ADAM19: variants seen among roughly 807,000 people sequenced by gnomAD.
ADAM19 encodes the protein ADAM metallopeptidase domain 19.
A neutral mutation model predicts 114.7 loss-of-function variants in ADAM19; 65 were observed. That is an observed-to-expected ratio of 0.57 (90% CI 0.46 to 0.70). The LOEUF (loss-of-function observed/expected upper bound fraction) is 0.70. Among genes scored for constraint, ADAM19 ranks in the 30% least tolerant of loss-of-function variants. The probability of loss-of-function intolerance (pLI) is 0.00; values close to 1 mark genes in which losing one functional copy is unlikely to be tolerated. For missense variants in ADAM19, 1,063 were observed against 1,204.7 expected (o/e 0.88, Z 1.74); for synonymous variants, 466 against 460.5 (o/e 1.01, Z -0.15).
intron 2 of ADAM19, among the ~76,000 whole-genome samples, chr5:157,567,457 CA>C (rs1757695731): frequency 6.6e-6 from 1 of 152,160 alleles, no homozygotes; most frequent in Non-Finnish European, 1.5e-5. Flanking sequence ...GTGCCCTGCC[CA>C]ATCACACTGA....
In ADAM19 at chr5:157,535,656, G is replaced by A. The variant is rs1460784661; in HGVS notation, c.330+2257C>T. Among the ~76,000 whole-genome samples, 3 of 152,232 alleles carry A rather than the reference G, an allele frequency of 2.0e-5. No individual in the cohort carries two copies. In the East Asian group the frequency reaches 5.8e-4, roughly 29 times the overall value. On this transcript the variant is annotated intron_variant, in intron 4 of 22. Coordinates refer to ENST00000257527, the MANE Select transcript of ADAM19 (RefSeq NM_033274.5). Reference sequence around the variant, plus strand: ...AGTTCTTTTCCAATCCTCTCTTTCTGAAAGGCCCTTACAACATCTCTGCCT... The same window carrying A: ...AGTTCTTTTCCAATCCTCTCTTTCTAAAAGGCCCTTACAACATCTCTGCCT...
intron 3 of ADAM19, among the ~76,000 whole-genome samples, chr5:157,554,310 C>A (rs774323750): frequency 5.3e-5 from 8 of 152,206 alleles, no homozygotes; most frequent in Non-Finnish European, 1.2e-4. Context: ...CATTTTACCC[C>A]GTGCTCCTGC....
chr5:157,510,054 G>T (rs1410685028), intron 8 of ADAM19, among the ~76,000 whole-genome samples: 1 of 152,118 alleles, frequency 6.6e-6, no homozygotes, highest in Non-Finnish European at 1.5e-5. Flanking sequence ...TTTCTTATGG[G>T]TATCTAAAAA....
chr5:157,544,041 G>A (rs1025415886), intron 3 of ADAM19, among the ~76,000 whole-genome samples: 7 of 152,230 alleles, frequency 4.6e-5, no homozygotes, highest in African/African-American at 9.6e-5. Context: ...ACGTGCCAAA[G>A]GCATGGCCCT....
rs767653523 is a variant in ADAM19 at position 157,490,260 on chromosome 5, C to T, written c.2240+50G>A. The T allele has an allele frequency of 4.3e-5, 69 of 1,606,628 alleles. No homozygotes were observed. The Admixed American group carries it at 9.7e-4, about 23-fold the overall frequency. On this transcript the variant is annotated intron_variant, in intron 19 of 22. Transcript: ENST00000257527. The stretch of plus-strand genomic sequence containing the variant: ...TTTGCTAAGTACCATTTATGGAGAC[C>T]TTTGTGACCCATAAATTGACCCTGA...
chr5:157,518,362 A>T (rs1756156735), intron 7 of ADAM19, among the ~76,000 whole-genome samples: 1 of 152,072 alleles, frequency 6.6e-6, no homozygotes, highest in African/African-American at 2.4e-5. Context: ...AACTATGTTT[A>T]AAATGGCAAA....
At chr5:157,511,837 AG>A (rs1755931833) in intron 8 of ADAM19, among the ~76,000 whole-genome samples, 1 of 152,190 alleles carries the variant, frequency 6.6e-6, no homozygotes, top group African/African-American at 2.4e-5. Context: ...GAGAGAGCCA[AG>A]ACGGCTGCAC....
intron 21 of ADAM19, among the ~76,000 whole-genome samples, chr5:157,483,602 C>T (rs1581282793): frequency 6.7e-6 from 1 of 149,722 alleles, no homozygotes; most frequent in Non-Finnish European, 1.5e-5. Flanking sequence ...GGATGGGGTG[C>T]AAAAGGGGAG....
At chr5:157,571,578 C>T (rs11465245) in intron 1 of ADAM19, among the ~76,000 whole-genome samples, 4,801 of 152,164 alleles carry the variant, frequency 0.032, 106 homozygotes, top group Non-Finnish European at 0.043. Context: ...ACTTGGAAGG[C>T]ACTGGGTGTT....
chr5:157,494,912 T>C lies in ADAM19; in HGVS notation c.1595-117A>G, dbSNP rs1755306843. ...ATTTTCTGGGAGGGAATACTCAGCCTCTTCTTCCTGTTCCCTCCAGGTTAC... is the reference window on the plus strand; with the variant it reads ...ATTTTCTGGGAGGGAATACTCAGCCCCTTCTTCCTGTTCCCTCCAGGTTAC... On this transcript the variant is annotated intron_variant, in intron 14 of 22. Coordinates refer to ENST00000257527, the MANE Select transcript of ADAM19 (RefSeq NM_033274.5). 1.3e-5 allele frequency: 9 copies of C among 717,958 alleles called. No homozygotes were observed. The South Asian group carries it at 1.6e-4, about 12-fold the overall frequency. 44.5% of individuals were successfully genotyped at this position (717,958 alleles called of 1,614,324 possible).
intron 3 of ADAM19, among the ~76,000 whole-genome samples, chr5:157,561,737 T>C (rs1297060427): frequency 6.6e-6 from 1 of 151,832 alleles, no homozygotes; most frequent in Non-Finnish European, 1.5e-5. Context: ...ACCTCCACAC[T>C]CCCCTGGCCC....
chr5:157,560,817 C>T (rs1757490108), intron 3 of ADAM19, among the ~76,000 whole-genome samples: 1 of 152,224 alleles, frequency 6.6e-6, no homozygotes, highest in South Asian at 2.1e-4. Context: ...GGAATTGCTA[C>T]ATGTTTTACA....
chr5:157,508,901 G>A (rs969969537), intron 9 of ADAM19, among the ~76,000 whole-genome samples: 1 of 152,210 alleles, frequency 6.6e-6, no homozygotes, highest in Non-Finnish European at 1.5e-5. Flanking sequence ...CAAGGAGCCC[G>A]CTCTCCTGTG....
At chr5:157,572,066 G>A (rs1757842799) in intron 1 of ADAM19, among the ~76,000 whole-genome samples, 1 of 151,950 alleles carries the variant, frequency 6.6e-6, no homozygotes, top group Admixed American at 6.6e-5. Flanking sequence ...GGCAACCCTG[G>A]GAAGTAGGAA....
intron 4 of ADAM19, among the ~76,000 whole-genome samples, chr5:157,531,808 G>A (rs190894062): frequency 3.2e-4 from 48 of 152,208 alleles, no homozygotes; most frequent in African/African-American, 1.1e-3. Context: ...TGAAGATGGG[G>A]GCAGAGACTG....
chr5:157,561,412 G>A lies in ADAM19; in HGVS notation c.251+2961C>T, dbSNP rs554109405. On this transcript the variant is annotated intron_variant, in intron 3 of 22. Coordinates refer to ENST00000257527, the MANE Select transcript of ADAM19 (RefSeq NM_033274.5). ...TAATACGTGGGCTTTGATTTGATGG[G>A]AGAAGGCCAGACACGGCAGGATGAT... 3.9e-5 allele frequency among the ~76,000 whole-genome samples: 6 copies of A among 152,288 alleles called. No homozygotes were observed. The South Asian group carries it at 1.2e-3, about 32-fold the overall frequency.
At chr5:157,501,503 G>GGACC (rs1277826876) in intron 12 of ADAM19, among the ~76,000 whole-genome samples, 1 of 152,152 alleles carries the variant, frequency 6.6e-6, no homozygotes, top group Admixed American at 6.5e-5. Context: ...CCTAACCCTA[G>GGACC]GACCAGACAC....
At chr5:157,527,701 C>CT (rs1429361289) in intron 5 of ADAM19, among the ~76,000 whole-genome samples, 1 of 152,042 alleles carries the variant, frequency 6.6e-6, no homozygotes, top group South Asian at 2.1e-4. Context: ...TATCTACGTT[C>CT]TTTTTTCACA....
At chr5:157,544,290 T>C (rs1214664053) in intron 3 of ADAM19, among the ~76,000 whole-genome samples, 2 of 152,238 alleles carry the variant, frequency 1.3e-5, no homozygotes, top group African/African-American at 4.8e-5. Flanking sequence ...AAAAGGCCAA[T>C]GCTACTCAGT....
Sources: gnomAD v4.1 joint callset for allele counts (sites outside exome capture counted in the v4.1 genomes callset) on GRCh38, gnomAD v4.1.1 for gene constraint, MANE v1.5 for transcripts, NCBI Gene and HGNC (gene_info 2026-07-23, HGNC 2026-07-21) for gene names.